Variants in KCNIP4 observed in about 807,000 individuals in gnomAD.
KCNIP4 encodes the protein potassium voltage-gated channel interacting protein 4.
In KCNIP4, 12 loss-of-function variants were observed where a neutral mutation model predicts 34.0. That is an observed-to-expected ratio of 0.35 (90% CI 0.23 to 0.57). The LOEUF (loss-of-function observed/expected upper bound fraction) is 0.57. Ranked by LOEUF, KCNIP4 falls within the 20% of genes least tolerant of loss-of-function variation. The pLI is 0.83. For missense variants in KCNIP4, 238 were observed against 311.7 expected (o/e 0.76, Z 1.78); for synonymous variants, 124 against 102.2 (o/e 1.21, Z -1.29).
At chr4:21,375,072 G>A (rs1283416326) in intron 1 of KCNIP4, among the ~76,000 whole-genome samples, 1 of 147,700 alleles carries the variant, frequency 6.8e-6, no homozygotes, top group African/African-American at 2.7e-5. Flanking sequence ...TTTAGAGGGT[G>A]TGTGCAAACT....
chr4:21,819,673 G>T (rs1342885144), intron 1 of KCNIP4, among the ~76,000 whole-genome samples: 1 of 152,104 alleles, frequency 6.6e-6, no homozygotes, highest in African/African-American at 2.4e-5. Context: ...TTTTAAAAAA[G>T]GAATTTTAAG....
intron 1 of KCNIP4, among the ~76,000 whole-genome samples, chr4:21,017,701 A>T (rs967861716): frequency 1.9e-4 from 29 of 152,310 alleles, no homozygotes; most frequent in Middle Eastern, 3.4e-3. Flanking sequence ...CTTTGGGTAT[A>T]TACCCAGTAA....
intron 1 of KCNIP4, among the ~76,000 whole-genome samples, chr4:21,533,982 A>G (rs1435781173): frequency 6.6e-6 from 1 of 152,186 alleles, no homozygotes; most frequent in Non-Finnish European, 1.5e-5. Flanking sequence ...ACAGTAGGGT[A>G]GAGTAGTACT....
At chr4:20,867,171 A>G (rs1722959779) in intron 2 of KCNIP4, among the ~76,000 whole-genome samples, 1 of 152,144 alleles carries the variant, frequency 6.6e-6, no homozygotes, top group Non-Finnish European at 1.5e-5. Flanking sequence ...TAAAATTCAT[A>G]TGGAACCAAA....
At chr4:20,833,904 TATATTTTTGTTCCAAA>T (rs574644419) in intron 3 of KCNIP4, among the ~76,000 whole-genome samples, 24 of 152,330 alleles carry the variant, frequency 1.6e-4, no homozygotes, top group African/African-American at 5.5e-4. Context: ...AAAATGTTTA[TATATTTTTGTTCCAAA>T]GTATTTTGCA....
intron 1 of KCNIP4, among the ~76,000 whole-genome samples, chr4:21,352,186 G>C (rs778474953): frequency 1.3e-5 from 2 of 152,096 alleles, no homozygotes; most frequent in African/African-American, 4.8e-5. Context: ...AAACAGCTCC[G>C]GTCTGCAGCT....
chr4:20,904,732 C>T (rs1727544462), intron 1 of KCNIP4, among the ~76,000 whole-genome samples: 2 of 152,026 alleles, frequency 1.3e-5, no homozygotes, highest in African/African-American at 4.8e-5. Context: ...ATCTTAAATA[C>T]CAATAATGTT....
chr4:21,837,532 C>CAAAAAA (rs60449238), intron 1 of KCNIP4, among the ~76,000 whole-genome samples: 11 of 78,546 alleles, frequency 1.4e-4, no homozygotes, highest in African/African-American at 1.8e-4. Context: ...AAAACGCTGT[C>CAAAAAA]AAAAAAAAAA....
chr4:21,146,752 AAC>A (rs1296274162), intron 1 of KCNIP4, among the ~76,000 whole-genome samples: 1 of 152,222 alleles, frequency 6.6e-6, no homozygotes, highest in Admixed American at 6.5e-5. Flanking sequence ...AAGATTTTGA[AAC>A]ACAGCTGAAT....
At chr4:20,863,859 C>T (rs914937297) in intron 2 of KCNIP4, among the ~76,000 whole-genome samples, 5 of 151,754 alleles carry the variant, frequency 3.3e-5, no homozygotes, top group Non-Finnish European at 7.4e-5. Context: ...GAAGTTAAAA[C>T]GAAGGAAGAA....
chr4:20,860,686 A>G (rs1722104425), intron 2 of KCNIP4, among the ~76,000 whole-genome samples: 1 of 152,100 alleles, frequency 6.6e-6, no homozygotes, highest in Non-Finnish European at 1.5e-5. Context: ...GCAATAACAT[A>G]ATGAGGATGA....
intron 1 of KCNIP4, among the ~76,000 whole-genome samples, chr4:21,603,267 T>G (rs1248161625): frequency 1.3e-5 from 2 of 152,144 alleles, no homozygotes; most frequent in Non-Finnish European, 2.9e-5. Flanking sequence ...GGAGTGAAGT[T>G]GTATCTGCAA....
At chr4:20,987,685 G>A (rs180869918) in intron 1 of KCNIP4, among the ~76,000 whole-genome samples, 67 of 152,208 alleles carry the variant, frequency 4.4e-4, no homozygotes, top group African/African-American at 1.6e-3. Flanking sequence ...ACTTTTAAGT[G>A]TCAGGCACTA....
chr4:20,992,602 A>G (rs1737177350), intron 1 of KCNIP4, among the ~76,000 whole-genome samples: 1 of 152,074 alleles, frequency 6.6e-6, no homozygotes. Flanking sequence ...CCCACCCCAC[A>G]TACAATTATC....
intron 1 of KCNIP4, among the ~76,000 whole-genome samples, chr4:21,532,949 T>G (rs1736813464): frequency 7.4e-6 from 1 of 134,798 alleles, no homozygotes; most frequent in South Asian, 3.1e-4. Flanking sequence ...GATTTCCTAT[T>G]AAAAGCTAAT....
chr4:20,983,873 A>T, intron 1 of KCNIP4: 1 of 1,536,316 alleles, frequency 6.5e-7, no homozygotes, highest in Non-Finnish European at 8.7e-7. Flanking sequence ...ACATATAATC[A>T]CAACAATACC....
chr4:20,942,740 T>G (rs888507893), intron 1 of KCNIP4, among the ~76,000 whole-genome samples: 1 of 152,062 alleles, frequency 6.6e-6, no homozygotes, highest in African/African-American at 2.4e-5. Flanking sequence ...GGCACGATCT[T>G]GGCTCACTGC....
intron 1 of KCNIP4, among the ~76,000 whole-genome samples, chr4:21,513,564 A>G (rs959102992): frequency 6.6e-6 from 1 of 152,206 alleles, no homozygotes; most frequent in Admixed American, 6.5e-5. Context: ...ATTGTGTTCA[A>G]TGTATTAAAT....
In KCNIP4 at chr4:21,914,967, C is replaced by T. The variant is rs551000843; in HGVS notation, c.61+33604G>A. On this transcript the variant is annotated intron_variant, in intron 1 of 8. Transcript: ENST00000382152. ...TATGAAAGGTTCTTTTTTTTGGAGA[C>T]ACACAAATTAAAAACAGAAAGGTAC... 3.2e-4 allele frequency among the ~76,000 whole-genome samples: 48 copies of T among 151,378 alleles called. No homozygotes were observed. The South Asian group carries it at 9.2e-3, about 29-fold the overall frequency.
Sources: gnomAD v4.1 joint callset for allele counts (sites outside exome capture counted in the v4.1 genomes callset) on GRCh38, gnomAD v4.1.1 for gene constraint, MANE v1.5 for transcripts, NCBI Gene and HGNC (gene_info 2026-07-23, HGNC 2026-07-21) for gene names.